Variants in MARCHF1 observed in about 807,000 individuals in gnomAD.
MARCHF1 encodes E3 ubiquitin-protein ligase MARCHF1.
In MARCHF1, 40 loss-of-function variants were observed where a neutral mutation model predicts 54.2. The ratio of observed to expected loss-of-function variants is 0.74; its 90% CI spans 0.57 to 0.96. The LOEUF is 0.96. MARCHF1 is among the 40% of genes least tolerant of loss of function. The pLI is 0.00. For synonymous variants in MARCHF1, 236 were observed against 236.3 expected, an observed-to-expected ratio of 1.00 and a Z score of 0.01; for missense variants, 586 against 656.5, an observed-to-expected ratio of 0.89 and a Z score of 1.17.
chr4:164,340,408 TATATAGATATATATATA>T (rs1729884338), intron 1 of MARCHF1, among the ~76,000 whole-genome samples: 1 of 121,940 alleles, frequency 8.2e-6, no homozygotes, highest in African/African-American at 2.8e-5. Context: ...CCTTGATTTA[TATATAGATATATATATA>T]TATATATATA....
At chr4:164,138,326 G>A (rs1298925726) in intron 1 of MARCHF1, among the ~76,000 whole-genome samples, 1 of 151,314 alleles carries the variant, frequency 6.6e-6, no homozygotes, top group Non-Finnish European at 1.5e-5. Flanking sequence ...GACTACTTAA[G>A]TTTGGCAGTA....
intron 5 of MARCHF1, among the ~76,000 whole-genome samples, chr4:163,679,738 G>A (rs1335386957): frequency 1.3e-5 from 2 of 151,226 alleles, no homozygotes; most frequent in Non-Finnish European, 2.9e-5. Flanking sequence ...TCAGCCTCCC[G>A]AGTAGCTGGG....
intron 8 of MARCHF1, among the ~76,000 whole-genome samples, chr4:163,565,732 T>G (rs1215186957): frequency 6.6e-6 from 1 of 152,188 alleles, no homozygotes; most frequent in African/African-American, 2.4e-5. Context: ...TTCTTGCATA[T>G]TCTCTGAAAG....
At chr4:164,275,503 G>A (rs921501574) in intron 1 of MARCHF1, among the ~76,000 whole-genome samples, 5 of 152,344 alleles carry the variant, frequency 3.3e-5, no homozygotes, top group African/African-American at 1.2e-4. Context: ...ACTAATTAAT[G>A]ATGATTGTTC....
chr4:163,725,233 G>T (rs571108833), intron 4 of MARCHF1, among the ~76,000 whole-genome samples: 1 of 152,242 alleles, frequency 6.6e-6, no homozygotes, highest in African/African-American at 2.4e-5. Flanking sequence ...TTACTGATAA[G>T]TTCATATTTC....
Position 164,266,982 on chromosome 4 carries a change from G to C in MARCHF1, c.-323+116888C>G, listed in dbSNP as rs142050601. 6.0e-3 allele frequency among the ~76,000 whole-genome samples: 916 copies of C among 152,342 alleles called. 5 individuals carry two copies. The highest frequency in any genetic ancestry group is 0.031 in the Middle Eastern group (9 of 294). On this transcript the variant is annotated intron_variant, in intron 1 of 9. Transcript: ENST00000514618. The stretch of plus-strand genomic sequence containing the variant: ...AAGCTGCTAAGGTTTGGTGGTTACA[G>C]AGTGTGGGGTGACATGATGTCTACA...
In MARCHF1 at chr4:163,648,108, A is replaced by G. The variant is rs145662157; in HGVS notation, c.163-34715T>C. Among the ~76,000 whole-genome samples the G allele has an allele frequency of 2.5e-3, 386 of 152,108 alleles. 2 individuals carry two copies. Among genetic ancestry groups the G allele is most frequent in the Admixed American group, 7.3e-3 (111 of 15,258 alleles). ...GTTTTGATCTACAGGAAAGAATATTACCTAATAAAGTTTTTCTATTAACAT... is the reference window on the plus strand; with the variant it reads ...GTTTTGATCTACAGGAAAGAATATTGCCTAATAAAGTTTTTCTATTAACAT... On this transcript the variant is annotated intron_variant, in intron 5 of 9. Transcript: ENST00000514618.
intron 4 of MARCHF1, among the ~76,000 whole-genome samples, chr4:163,771,073 TA>T (rs776639730): frequency 1.3e-5 from 2 of 152,210 alleles, no homozygotes; most frequent in Non-Finnish European, 2.9e-5. Flanking sequence ...TATAGAAAAA[TA>T]GTGACCAAAT....
chr4:163,791,683 T>C (rs1747777538), intron 4 of MARCHF1, among the ~76,000 whole-genome samples: 1 of 152,132 alleles, frequency 6.6e-6, no homozygotes, highest in Admixed American at 6.6e-5. Flanking sequence ...TGAGCTTACA[T>C]AACTTTTCCA....
chr4:164,333,303 T>C (rs142428602), intron 1 of MARCHF1, among the ~76,000 whole-genome samples: 119 of 152,352 alleles, frequency 7.8e-4, no homozygotes, highest in African/African-American at 2.8e-3. Context: ...TACTTCACTT[T>C]ATTGCACTTT....
At chr4:164,276,947 T>TATATAGAGAGAG (rs1392528920) in intron 1 of MARCHF1, among the ~76,000 whole-genome samples, 16 of 118,798 alleles carry the variant, frequency 1.3e-4, no homozygotes, top group African/African-American at 4.3e-4. Flanking sequence ...TATATATATA[T>TATATAGAGAGAG]AGAGAGAGAG....
intron 1 of MARCHF1, among the ~76,000 whole-genome samples, chr4:164,163,695 C>T (rs11941865): frequency 0.84 from 127,235 of 151,840 alleles, 53,828 homozygotes; most frequent in Non-Finnish European, 0.89. Flanking sequence ...AATGAATAAT[C>T]AGAAAATTAG....
rs141791231 is a variant in MARCHF1 at position 164,165,995 on chromosome 4, G to GA, written c.-322-54334dup. Among the ~76,000 whole-genome samples the GA allele has an allele frequency of 4.6e-3, 696 of 151,968 alleles. 6 individuals are homozygous for GA. Among genetic ancestry groups the GA allele is most frequent in the African/African-American group, 0.015 (640 of 41,492 alleles). On this transcript the variant is annotated intron_variant, in intron 1 of 9. Transcript: ENST00000514618. ...AATCTCATATAAAAGTATAGAGGCT[G>GA]AATATGCTCAGCAAATGATGTAGCA...
chr4:164,074,866 T>C (rs1363415968), intron 2 of MARCHF1, among the ~76,000 whole-genome samples: 5 of 151,026 alleles, frequency 3.3e-5, no homozygotes, highest in Non-Finnish European at 7.4e-5. Context: ...TCTGAATAAA[T>C]TTCTTCTAAA....
chr4:163,552,594 G>A (rs539396633), intron 8 of MARCHF1, among the ~76,000 whole-genome samples: 14 of 152,260 alleles, frequency 9.2e-5, no homozygotes, highest in Admixed American at 2.6e-4. Context: ...ACTAGAAGTG[G>A]TTTTCAGTAT....
intron 4 of MARCHF1, among the ~76,000 whole-genome samples, chr4:163,712,832 C>T (rs536338623): frequency 6.6e-6 from 1 of 152,240 alleles, no homozygotes; most frequent in South Asian, 2.1e-4. Flanking sequence ...CCATTTCTGA[C>T]AATCCCTTGT....
In MARCHF1 at chr4:164,084,906, A is replaced by AT. The variant is rs769298493; in HGVS notation, c.-248+26681dup. Among the ~76,000 whole-genome samples, 17 of 151,894 alleles carry AT rather than the reference A, an allele frequency of 1.1e-4. No individual in the cohort carries two copies. The East Asian group carries it at 1.2e-3, about 10-fold the overall frequency. On this transcript the variant is annotated intron_variant, in intron 2 of 9. Transcript: ENST00000514618. ...TGTTGTGTAAGTGGAAAAGCTGATG[A>AT]TTTTTTTAAAAGTAATGAAATAAAA...
At chr4:164,027,319 T>C (rs79922104) in intron 2 of MARCHF1, among the ~76,000 whole-genome samples, 2,416 of 123,742 alleles carry the variant, frequency 0.02, 69 homozygotes, top group African/African-American at 0.068. Context: ...GGCATCACAA[T>C]ACCTGTCTTT....
intron 8 of MARCHF1, chr4:163,585,423 T>C (rs3828491): frequency 0.44 from 72,148 of 164,748 alleles, 15,982 homozygotes; most frequent in East Asian, 0.52. Context: ...ATCATAGTTC[T>C]CATCAATTCA....
Sources: gnomAD v4.1 joint callset for allele counts (sites outside exome capture counted in the v4.1 genomes callset) on GRCh38, gnomAD v4.1.1 for gene constraint, MANE v1.5 for transcripts, NCBI Gene and HGNC (gene_info 2026-07-23, HGNC 2026-07-21) for gene names.